The following PIP4K2A variants were observed in gnomAD, a reference collection of about 807,000 sequenced individuals.
PIP4K2A encodes phosphatidylinositol 5-phosphate 4-kinase type-2 alpha.
Under a neutral mutation model 42.9 loss-of-function variants are expected in PIP4K2A, and 14 were observed. That is an observed-to-expected ratio of 0.33 (90% CI 0.22 to 0.51). The LOEUF is 0.51. Ranked by LOEUF, PIP4K2A falls within the 20% of genes least tolerant of loss-of-function variation. PIP4K2A has a pLI of 0.97. For missense variants in PIP4K2A, 434 were observed against 519.8 expected (o/e 0.83, Z 1.61); for synonymous variants, 192 against 192.2 (o/e 1.00, Z 0.01).
intron 7 of PIP4K2A, among the ~76,000 whole-genome samples, chr10:22,543,434 T>C (rs765819019): frequency 2.0e-5 from 3 of 152,184 alleles, no homozygotes; most frequent in Admixed American, 6.5e-5. Context: ...TTAAGCAAAG[T>C]GGGAGAAACC....
intron 1 of PIP4K2A, among the ~76,000 whole-genome samples, chr10:22,681,445 A>G (rs1412279438): frequency 6.6e-6 from 1 of 152,208 alleles, no homozygotes; most frequent in Non-Finnish European, 1.5e-5. Flanking sequence ...AGGCCCAGGC[A>G]GGAGGACTGT....
At chr10:22,657,055 T>A (rs933076747) in intron 1 of PIP4K2A, among the ~76,000 whole-genome samples, 45 of 152,202 alleles carry the variant, frequency 3.0e-4, no homozygotes, top group Non-Finnish European at 6.0e-4. Flanking sequence ...GTGTTCAGCA[T>A]TTAATGTACA....
Position 22,601,159 on chromosome 10 carries a change from A to AAC in PIP4K2A, c.339+6767_339+6768insGT, listed in dbSNP as rs1564437944. Among the ~76,000 whole-genome samples, 91 of 126,146 alleles carry AAC rather than the reference A, an allele frequency of 7.2e-4. 1 individual carries two copies. The highest frequency in any genetic ancestry group is 4.2e-3 in the Middle Eastern group (1 of 240). 82.8% of individuals were successfully genotyped at this position (126,146 alleles called of 152,430 possible). On this transcript the variant is annotated intron_variant, in intron 3 of 9. Coordinates refer to ENST00000376573, the MANE Select transcript of PIP4K2A (RefSeq NM_005028.5). Reference sequence around the variant, plus strand: ...AAAAAAAAAAAAAAAAAAAAAAAAAAAAAACAAACCAGGAACATGTCCCCA... The same window carrying AAC: ...AAAAAAAAAAAAAAAAAAAAAAAAAAACAAAACAAACCAGGAACATGTCCCCA...
chr10:22,561,104 G>A (rs909424640), intron 6 of PIP4K2A, among the ~76,000 whole-genome samples: 7 of 152,210 alleles, frequency 4.6e-5, no homozygotes, highest in African/African-American at 9.7e-5. Context: ...TAGAGGAGGC[G>A]AAACTGCTGG....
At chr10:22,604,009 GCACACACACACACACACACACA>G (rs10571071) in intron 3 of PIP4K2A, among the ~76,000 whole-genome samples, 1 of 149,564 alleles carries the variant, frequency 6.7e-6, no homozygotes, top group Non-Finnish European at 1.5e-5. Flanking sequence ...ACGCGCGCAC[GCACACACACACACACACACACA>G]CACACAGAGG....
intron 6 of PIP4K2A, among the ~76,000 whole-genome samples, chr10:22,561,515 T>C (rs972617138): frequency 6.8e-6 from 1 of 146,822 alleles, no homozygotes; most frequent in South Asian, 2.2e-4. Context: ...CTGGGAAGAA[T>C]AAGAATTGAG....
At chr10:22,664,973 T>A (rs1436144280) in intron 1 of PIP4K2A, among the ~76,000 whole-genome samples, 2 of 151,134 alleles carry the variant, frequency 1.3e-5, no homozygotes, top group South Asian at 2.1e-4. Context: ...TTGAAAAAAA[T>A]TCAAATAGAG....
At chr10:22,675,984 C>T (rs984757229) in intron 1 of PIP4K2A, among the ~76,000 whole-genome samples, 1 of 152,202 alleles carries the variant, frequency 6.6e-6, no homozygotes, top group Admixed American at 6.5e-5. Flanking sequence ...AACAGGGAAA[C>T]AGACACACTG....
intron 1 of PIP4K2A, among the ~76,000 whole-genome samples, chr10:22,619,370 AT>A (rs1838259076): frequency 6.6e-6 from 1 of 150,440 alleles, no homozygotes; most frequent in Non-Finnish European, 1.5e-5. Flanking sequence ...ATGTACTTTT[AT>A]TTGTCTTGAG....
At chr10:22,647,065 T>TAG (rs1564454364) in intron 1 of PIP4K2A, among the ~76,000 whole-genome samples, 53 of 152,242 alleles carry the variant, frequency 3.5e-4, no homozygotes, top group African/African-American at 1.2e-3. Context: ...TACTACAAAG[T>TAG]TTTTTCAAAG....
chr10:22,548,651 A>G (rs1836314611), intron 7 of PIP4K2A, among the ~76,000 whole-genome samples: 2 of 152,228 alleles, frequency 1.3e-5, no homozygotes. Context: ...TTTATTAGTA[A>G]CCACTCACAA....
chr10:22,631,096 C>T (rs896712191), intron 1 of PIP4K2A, among the ~76,000 whole-genome samples: 4 of 152,142 alleles, frequency 2.6e-5, no homozygotes, highest in Non-Finnish European at 1.5e-5. Context: ...CAGGATACGA[C>T]GTTCAGTTTT....
At chr10:22,544,021 C>T (rs540687866) in intron 7 of PIP4K2A, among the ~76,000 whole-genome samples, 1 of 152,282 alleles carries the variant, frequency 6.6e-6, no homozygotes, top group South Asian at 2.1e-4. Flanking sequence ...GTACTCTCTG[C>T]TCTCTATCAG....
intron 7 of PIP4K2A, among the ~76,000 whole-genome samples, chr10:22,548,098 C>G (rs552779513): frequency 1.3e-5 from 2 of 152,178 alleles, no homozygotes; most frequent in Non-Finnish European, 2.9e-5. Context: ...ACAGAAAACT[C>G]GATTAAATTC....
chr10:22,577,844 C>T (rs1837160528), intron 4 of PIP4K2A, among the ~76,000 whole-genome samples: 1 of 152,214 alleles, frequency 6.6e-6, no homozygotes, highest in African/African-American at 2.4e-5. Context: ...AAACAAAACA[C>T]AAAACGCCCT....
intron 3 of PIP4K2A, among the ~76,000 whole-genome samples, chr10:22,605,483 T>C (rs780191981): frequency 9.9e-5 from 15 of 152,256 alleles, no homozygotes; most frequent in Non-Finnish European, 1.8e-4. Context: ...GTTCATGTCT[T>C]TGCATTTCAG....
intron 3 of PIP4K2A, among the ~76,000 whole-genome samples, chr10:22,592,978 T>C (rs192100523): frequency 1.3e-5 from 2 of 152,374 alleles, no homozygotes; most frequent in Admixed American, 6.5e-5. Context: ...GGGCAGGTGA[T>C]AGATAGCTCT....
intron 1 of PIP4K2A, among the ~76,000 whole-genome samples, chr10:22,698,790 G>A (rs182894949): frequency 2.3e-4 from 35 of 152,248 alleles, no homozygotes; most frequent in Non-Finnish European, 4.7e-4. Context: ...ATTAACACTG[G>A]TTGCTTGATA....
chr10:22,614,779 G>A lies in PIP4K2A; in HGVS notation c.145-5062C>T, dbSNP rs140373414. Among the ~76,000 whole-genome samples the A allele has an allele frequency of 1.4e-3, 218 of 152,224 alleles. 1 individual carries two copies. The highest frequency in any genetic ancestry group is 4.8e-3 in the African/African-American group (201 of 41,526). On this transcript the variant is annotated intron_variant, in intron 1 of 9. Coordinates refer to ENST00000376573, the MANE Select transcript of PIP4K2A (RefSeq NM_005028.5). ...TAACTGAAAAGACATTTAACTTCCT[G>A]AAAAACTCTCTCCTTTAGCCTGTTA...
Sources: gnomAD v4.1 joint callset for allele counts (sites outside exome capture counted in the v4.1 genomes callset) on GRCh38, gnomAD v4.1.1 for gene constraint, MANE v1.5 for transcripts, NCBI Gene and HGNC (gene_info 2026-07-23, HGNC 2026-07-21) for gene names.